Variants in PDZD2 observed in about 807,000 individuals in gnomAD.
The protein encoded by PDZD2 is PDZ domain-containing protein 2.
Under a neutral mutation model 220.7 loss-of-function variants are expected in PDZD2, and 90 were observed. The observed-to-expected ratio is 0.41, with a 90% CI of 0.34 to 0.49. The LOEUF (loss-of-function observed/expected upper bound fraction) is 0.49. Among genes scored for constraint, PDZD2 ranks in the 20% least tolerant of loss-of-function variants. The probability of loss-of-function intolerance (pLI) is 0.28; values close to 1 mark genes in which losing one functional copy is unlikely to be tolerated. For missense variants in PDZD2, 3,174 were observed against 3,608.5 expected (o/e 0.88, Z 3.08); for synonymous variants, 1,375 against 1,450.5 (o/e 0.95, Z 1.18).
intron 6 of PDZD2, among the ~76,000 whole-genome samples, chr5:32,034,894 C>T (rs2112211575): frequency 6.6e-6 from 1 of 152,280 alleles, no homozygotes; most frequent in South Asian, 2.1e-4. Flanking sequence ...GAAAGACATC[C>T]CTCCAGGGAA....
chr5:32,085,146 G>A (rs570263238), intron 19 of PDZD2, among the ~76,000 whole-genome samples: 125 of 151,310 alleles, frequency 8.3e-4, no homozygotes, highest in Non-Finnish European at 1.5e-3. Flanking sequence ...GTAGAGATAG[G>A]GTTTCACCAT....
chr5:32,056,717 A>G (rs1173431126), intron 10 of PDZD2, among the ~76,000 whole-genome samples: 1 of 152,098 alleles, frequency 6.6e-6, no homozygotes, highest in Non-Finnish European at 1.5e-5. Flanking sequence ...AATTAACATG[A>G]CCCTGCAGTC....
At chr5:31,792,393 G>A (rs1411348675) in intron 1 of PDZD2, among the ~76,000 whole-genome samples, 4 of 152,044 alleles carry the variant, frequency 2.6e-5, no homozygotes, top group South Asian at 2.1e-4. Context: ...ATGTTAGTTC[G>A]CCACTTTGAT....
At chr5:31,752,038 T>C (rs1378343688) in intron 1 of PDZD2, among the ~76,000 whole-genome samples, 1 of 151,340 alleles carries the variant, frequency 6.6e-6, no homozygotes, top group African/African-American at 2.4e-5. Flanking sequence ...TCTCTCTTTG[T>C]ATTTTTTGTT....
chr5:31,982,957 G>A (rs1395928500), intron 2 of PDZD2, among the ~76,000 whole-genome samples, 198 bp from the exon 3 acceptor site: 2 of 152,178 alleles, frequency 1.3e-5, no homozygotes, highest in African/African-American at 4.8e-5. Flanking sequence ...TGTTTTGGGA[G>A]TTTGGGGGTA....
At chr5:31,690,008 GTGTCC>G (rs1393701845) in intron 1 of PDZD2, among the ~76,000 whole-genome samples, 2 of 152,076 alleles carry the variant, frequency 1.3e-5, no homozygotes, top group Non-Finnish European at 2.9e-5. Context: ...TTGAAACGGC[GTGTCC>G]TGTCCCCACA....
At chr5:31,714,561 GT>G (rs971827014) in intron 1 of PDZD2, among the ~76,000 whole-genome samples, 1 of 152,124 alleles carries the variant, frequency 6.6e-6, no homozygotes, top group Admixed American at 6.6e-5. Context: ...GAAAGGTTTT[GT>G]TTCTTTGTGT....
At chr5:31,682,573 A>T (rs1561381185) in intron 1 of PDZD2, among the ~76,000 whole-genome samples, 1 of 152,180 alleles carries the variant, frequency 6.6e-6, no homozygotes, top group Non-Finnish European at 1.5e-5. Flanking sequence ...GAAAATAAGC[A>T]CTAATCCCCA....
rs368920946 is a variant in PDZD2 at position 32,027,312 on chromosome 5, A to AT, written c.1408-9917dup. On this transcript the variant is annotated intron_variant, in intron 6 of 24. Coordinates refer to ENST00000438447, the MANE Select transcript of PDZD2 (RefSeq NM_178140.4). ...AGGGTCAGTTACAAGCTAATGACTG[A>AT]TTACATTCCTGTGCCCTTAAAGGTG... Among the ~76,000 whole-genome samples, 1,306 of 152,330 alleles carry AT rather than the reference A, an allele frequency of 8.6e-3. 18 individuals are homozygous for AT. Among genetic ancestry groups the AT allele is most frequent in the African/African-American group, 0.03 (1,243 of 41,572 alleles).
At chr5:31,676,977 C>T (rs1308996781) in intron 1 of PDZD2, among the ~76,000 whole-genome samples, 6 of 152,122 alleles carry the variant, frequency 3.9e-5, no homozygotes, top group Non-Finnish European at 8.8e-5. Flanking sequence ...GATCCTATTC[C>T]TTCCCCTGCC....
At chr5:31,968,173 C>T (rs1168943120) in intron 2 of PDZD2, among the ~76,000 whole-genome samples, 1 of 152,136 alleles carries the variant, frequency 6.6e-6, no homozygotes, top group East Asian at 1.9e-4. Flanking sequence ...GCCTGGCCAA[C>T]ATGGTGAAAC....
chr5:32,000,153 C>G lies in PDZD2; in HGVS notation c.1136C>G (p.Ser379Cys). 6.2e-7 allele frequency: 1 copy of G among 1,614,058 alleles called. No homozygotes were observed. Among genetic ancestry groups the G allele is most frequent in the Non-Finnish European group, 8.5e-7 (1 of 1,179,936 alleles). Residue 379 changes from serine (S) to cysteine (C), a missense_variant, in exon 5 of 25, where the codon TCC (serine) becomes TGC (cysteine). Transcript: ENST00000438447. This position sits in a 1 kb window ranked among gnomAD's most constrained non-coding sequence, Gnocchi z 4.5. ...CCTTTCCTCAGGGATGGCAGGCTGTCCTTAGGAGATGAGCTGCTGGTAATC... is the reference window on the plus strand; with the variant it reads ...CCTTTCCTCAGGGATGGCAGGCTGTGCTTAGGAGATGAGCTGCTGGTAATC... ...GGAAHRDGRL[S>C]LGDELLVING...
intron 1 of PDZD2, among the ~76,000 whole-genome samples, chr5:31,720,850 A>G (rs1483050321): frequency 6.6e-6 from 1 of 152,166 alleles, no homozygotes; most frequent in Non-Finnish European, 1.5e-5. Context: ...GTTTTTACAC[A>G]AAGGTTGGGG....
intron 1 of PDZD2, among the ~76,000 whole-genome samples, chr5:31,710,572 C>T (rs927299738): frequency 6.6e-6 from 1 of 152,064 alleles, no homozygotes; most frequent in Middle Eastern, 3.2e-3. Context: ...AATCTCAGCA[C>T]TTCGGGAGGC....
chr5:31,725,860 T>C (rs1158353735), intron 1 of PDZD2: 1 of 778,424 alleles, frequency 1.3e-6, no homozygotes, highest in Non-Finnish European at 2.3e-6. Context: ...TGCTACGCCG[T>C]GGTCTTCCAG....
chr5:31,839,585 C>T (rs756174352), intron 2 of PDZD2, among the ~76,000 whole-genome samples: 16 of 152,264 alleles, frequency 1.1e-4, no homozygotes, highest in East Asian at 3.9e-4. Context: ...TGGTGGCCCA[C>T]GACTGTAATC....
chr5:31,724,282 A>G (rs1414753560), intron 1 of PDZD2, among the ~76,000 whole-genome samples: 1 of 152,150 alleles, frequency 6.6e-6, no homozygotes. Flanking sequence ...AAAGTCATGA[A>G]GTCTCCATGT....
chr5:31,795,408 C>T (rs1011403517), intron 1 of PDZD2, among the ~76,000 whole-genome samples: 6 of 152,098 alleles, frequency 3.9e-5, no homozygotes, highest in African/African-American at 1.2e-4. Context: ...CAGCTTCAAG[C>T]GATTCAAAAT....
At chr5:31,865,740 T>C (rs1056072742) in intron 2 of PDZD2, among the ~76,000 whole-genome samples, 1 of 141,834 alleles carries the variant, frequency 7.1e-6, no homozygotes, top group Non-Finnish European at 1.5e-5. Flanking sequence ...TGCCCCATTC[T>C]CCTGCCTCAG....
Sources: allele counts gnomAD v4.1 joint callset (sites outside exome capture counted in the v4.1 genomes callset), GRCh38; gene constraint gnomAD v4.1.1; non-coding constraint Gnocchi (gnomAD v3.1); transcripts MANE v1.5; gene names NCBI Gene and HGNC (gene_info 2026-07-23, HGNC 2026-07-21).